The following SPSB4 variants were observed in gnomAD, a reference collection of about 807,000 sequenced individuals.
The protein encoded by SPSB4 is splA/ryanodine receptor domain and SOCS box containing 4.
In SPSB4, 21 loss-of-function variants were observed where a neutral mutation model predicts 20.9. The ratio of observed to expected loss-of-function variants is 1.01; its 90% CI spans 0.71 to 1.45. The LOEUF is 1.45. Among genes scored for constraint, SPSB4 ranks in the 40% most tolerant of loss-of-function variants. SPSB4 has a pLI of 0.00. For missense variants in SPSB4, 399 were observed against 399.2 expected (o/e 1.00, Z 0.00); for synonymous variants, 207 against 183.8 (o/e 1.13, Z -1.02).
intron 2 of SPSB4, among the ~76,000 whole-genome samples, chr3:141,096,219 G>C (rs1404736648): frequency 2.0e-5 from 3 of 152,154 alleles, no homozygotes; most frequent in Admixed American, 6.6e-5. Context: ...CAGGGCCCCA[G>C]GGGGAAACAG....
chr3:141,111,017 C>T (rs1394048025), intron 2 of SPSB4, among the ~76,000 whole-genome samples: 1 of 152,226 alleles, frequency 6.6e-6, no homozygotes, highest in Non-Finnish European at 1.5e-5. Context: ...TAACGTCATA[C>T]TTCTGGCTTG....
At chr3:141,140,278 A>G (rs1265541371) in intron 2 of SPSB4, among the ~76,000 whole-genome samples, 2 of 151,928 alleles carry the variant, frequency 1.3e-5, no homozygotes, top group African/African-American at 2.4e-5. Flanking sequence ...CATTGGTTCA[A>G]ACTTCCTCCT....
chr3:141,125,708 G>A (rs1939039834), intron 2 of SPSB4, among the ~76,000 whole-genome samples: 1 of 152,166 alleles, frequency 6.6e-6, no homozygotes, highest in Non-Finnish European at 1.5e-5. Context: ...GGTTGTCTCT[G>A]CAGACACCTC....
At chr3:141,092,154 C>T (rs771648270) in intron 2 of SPSB4, among the ~76,000 whole-genome samples, 12 of 152,242 alleles carry the variant, frequency 7.9e-5, no homozygotes, top group South Asian at 2.1e-4. Flanking sequence ...TCCTTTATCC[C>T]GAGCTGGGAG....
At chr3:141,078,111 C>T (rs1938154212) in intron 2 of SPSB4, among the ~76,000 whole-genome samples, 1 of 152,212 alleles carries the variant, frequency 6.6e-6, no homozygotes, top group Non-Finnish European at 1.5e-5. Context: ...GGGCCCAGGG[C>T]TTCTCCTCAG....
intron 2 of SPSB4, among the ~76,000 whole-genome samples, chr3:141,121,321 C>T (rs1938963417): frequency 6.6e-6 from 1 of 152,162 alleles, no homozygotes; most frequent in Non-Finnish European, 1.5e-5. Flanking sequence ...GTACCCTGAC[C>T]TTTCTCTCTG....
intron 2 of SPSB4, among the ~76,000 whole-genome samples, chr3:141,146,769 A>G (rs373333368): frequency 6.8e-6 from 1 of 147,474 alleles, no homozygotes; most frequent in African/African-American, 2.5e-5. Flanking sequence ...GCAAGACTCC[A>G]TCTAAAAAAA....
rs529348878 is a variant in SPSB4, at chr3:141,112,847, A to G, written c.695-34295A>G. ...CATGGACGGACCACTTCTGGCCTCA[A>G]GGAGCTTTCCAGGGCCTCTCAGCAA... On this transcript the variant is annotated intron_variant, in intron 2 of 2. Transcript: ENST00000310546. Among the ~76,000 whole-genome samples the G allele has an allele frequency of 1.5e-3, 229 of 152,132 alleles. 1 individual carries two copies. The highest frequency in any genetic ancestry group is 5.2e-3 in the African/African-American group (215 of 41,498).
intron 2 of SPSB4, among the ~76,000 whole-genome samples, chr3:141,080,062 T>C (rs1034999002): frequency 2.0e-5 from 3 of 152,238 alleles, no homozygotes; most frequent in African/African-American, 4.8e-5. Context: ...TAATTCTTAC[T>C]ACCAGTCTCT....
intron 2 of SPSB4, among the ~76,000 whole-genome samples, chr3:141,129,015 A>G (rs566915983): frequency 6.6e-6 from 1 of 152,234 alleles, no homozygotes; most frequent in African/African-American, 2.4e-5. Flanking sequence ...CACACATCCA[A>G]AAAGGAAGCT....
At chr3:141,078,370 G>A (rs138181506) in intron 2 of SPSB4, among the ~76,000 whole-genome samples, 1 of 152,320 alleles carries the variant, frequency 6.6e-6, no homozygotes, top group Non-Finnish European at 1.5e-5. Context: ...CCAGAAGTCA[G>A]CTGCCTGGAA....
chr3:141,082,787 G>A (rs1013619995), intron 2 of SPSB4, among the ~76,000 whole-genome samples: 2 of 152,240 alleles, frequency 1.3e-5, no homozygotes, highest in African/African-American at 4.8e-5. Context: ...TTGGACTCTA[G>A]TCTGCCTGAT....
At chr3:141,139,625 G>A (rs903508424) in intron 2 of SPSB4, among the ~76,000 whole-genome samples, 87 of 152,290 alleles carry the variant, frequency 5.7e-4, no homozygotes, top group Middle Eastern at 3.4e-3. Flanking sequence ...GAAATTCTGG[G>A]TTGAAAATTC....
intron 2 of SPSB4, among the ~76,000 whole-genome samples, chr3:141,086,860 G>A (rs1327785342): frequency 6.6e-6 from 1 of 152,172 alleles, no homozygotes; most frequent in Non-Finnish European, 1.5e-5. Context: ...ATTCCTCTTG[G>A]GGAAACTGAG....
intron 2 of SPSB4, chr3:141,076,931 T>C (rs9842086): frequency 0.18 from 27,322 of 152,150 alleles, 2,737 homozygotes; most frequent in East Asian, 0.32. Flanking sequence ...TGGGAAAGCA[T>C]TGAATAGAGG....
chr3:141,119,402 G>C (rs1350445385), intron 2 of SPSB4, among the ~76,000 whole-genome samples: 4 of 152,120 alleles, frequency 2.6e-5, no homozygotes, highest in African/African-American at 9.7e-5. Flanking sequence ...TGAAACAATG[G>C]GGTTTTCCAC....
At chr3:141,086,878 G>A (rs967512802) in intron 2 of SPSB4, among the ~76,000 whole-genome samples, 2 of 152,332 alleles carry the variant, frequency 1.3e-5, no homozygotes, top group Non-Finnish European at 1.5e-5. Context: ...GAGGCATAGA[G>A]GCTTGCCCAA....
intron 2 of SPSB4, among the ~76,000 whole-genome samples, chr3:141,131,189 T>C (rs913875519): frequency 6.6e-6 from 1 of 152,078 alleles, no homozygotes; most frequent in African/African-American, 2.4e-5. Flanking sequence ...ATGATAAAAA[T>C]GTGGAGCCAC....
At chr3:141,101,841 C>T (rs146079074) in intron 2 of SPSB4, among the ~76,000 whole-genome samples, 3 of 152,302 alleles carry the variant, frequency 2.0e-5, no homozygotes, top group East Asian at 3.9e-4. Context: ...CTGCACTATT[C>T]GTTTCCACGC....
Sources: gnomAD v4.1 joint callset for allele counts (sites outside exome capture counted in the v4.1 genomes callset) on GRCh38, gnomAD v4.1.1 for gene constraint, MANE v1.5 for transcripts, NCBI Gene and HGNC (gene_info 2026-07-23, HGNC 2026-07-21) for gene names.